WDR44: variants seen among roughly 807,000 people sequenced by gnomAD.
The protein encoded by WDR44 is WD repeat-containing protein 44.
Under a neutral mutation model 65.7 loss-of-function variants are expected in WDR44, and 9 were observed. That is an observed-to-expected ratio of 0.14 (90% CI 0.08 to 0.24). The LOEUF is 0.24. Ranked by LOEUF, WDR44 falls within the 10% of genes least tolerant of loss-of-function variation. The pLI is 1.00. For missense variants in WDR44, 425 were observed against 670.9 expected, an observed-to-expected ratio of 0.63 and a Z score of 4.05; for synonymous variants, 220 against 235.2, an observed-to-expected ratio of 0.94 and a Z score of 0.59.
At chrX:118,421,100 C>T (rs772424355) in intron 12 of WDR44, among the ~76,000 whole-genome samples, 1 of 111,439 alleles carries the variant, frequency 9.0e-6, no homozygotes, top group African/African-American at 3.3e-5. Flanking sequence ...CTTCATGGCC[C>T]GCTTCCTCCA....
At chrX:118,364,304 A>G (rs1301217490) in intron 1 of WDR44, among the ~76,000 whole-genome samples, 1 of 111,853 alleles carries the variant, frequency 8.9e-6, no homozygotes. Context: ...AAGCACTTCT[A>G]GCTCTCTGTA....
At chrX:118,420,339 G>T (rs770587098) in intron 12 of WDR44, among the ~76,000 whole-genome samples, 1 of 110,301 alleles carries the variant, frequency 9.1e-6, no homozygotes, top group African/African-American at 3.3e-5. Context: ...TGCAACCTGC[G>T]CCTCCCGGGT....
At chrX:118,394,306 C>A in intron 5 of WDR44, 121 bp downstream of exon 5, 1 of 993,553 alleles carries the variant, frequency 1.0e-6, no homozygotes, top group East Asian at 3.4e-5. Flanking sequence ...AACCTGACCC[C>A]CTTACTTCTC....
chrX:118,374,465 A>G (rs1331396019), intron 1 of WDR44, among the ~76,000 whole-genome samples: 1 of 111,905 alleles, frequency 8.9e-6, no homozygotes, highest in Non-Finnish European at 1.9e-5. Context: ...TTGAAATTGT[A>G]GTAGTTTGAA....
At chrX:118,374,069 C>T (rs368958538) in intron 1 of WDR44, among the ~76,000 whole-genome samples, 13 of 110,116 alleles carry the variant, frequency 1.2e-4, no homozygotes, top group African/African-American at 4.3e-4. Context: ...GGTATTTCTC[C>T]TAATGCTATC....
At chrX:118,354,017 C>CT (rs763388075) in intron 1 of WDR44, among the ~76,000 whole-genome samples, 7 of 109,978 alleles carry the variant, frequency 6.4e-5, no homozygotes, top group African/African-American at 1.3e-4. Flanking sequence ...TTGTATGGGT[C>CT]TTTTTTTTTA....
chrX:118,422,132 G>A (rs6655473), intron 12 of WDR44, among the ~76,000 whole-genome samples: 14,381 of 110,778 alleles, frequency 0.13, 790 homozygotes, highest in Admixed American at 0.25. Context: ...AGTGGCTCAT[G>A]CCTATAATCC....
At chrX:118,410,615 A>T (rs768429279) in intron 11 of WDR44, among the ~76,000 whole-genome samples, 6 of 111,676 alleles carry the variant, frequency 5.4e-5, no homozygotes, top group Non-Finnish European at 1.1e-4. Flanking sequence ...ACTTGTCATG[A>T]TTAATAAGAA....
chrX:118,354,640 A>G (rs1216871689), intron 1 of WDR44, among the ~76,000 whole-genome samples: 1 of 111,021 alleles, frequency 9.0e-6, no homozygotes, highest in Non-Finnish European at 1.9e-5. Flanking sequence ...TTATACTTTA[A>G]GTTCTGGGGT....
In WDR44 at chrX:118,367,417, C is replaced by T. The variant is rs182882257; in HGVS notation, c.78-11002C>T. Among the ~76,000 whole-genome samples, 198 of 111,417 alleles carry T rather than the reference C, an allele frequency of 1.8e-3. 1 individual carries two copies. Among genetic ancestry groups the T allele is most frequent in the Middle Eastern group, 9.2e-3 (2 of 217 alleles). On this transcript the variant is annotated intron_variant, in intron 1 of 19. Transcript: ENST00000254029. Reference sequence around the variant, plus strand: ...TCAGATTGATGTCATGTTGTCCTTTCAGTCTCTGGGACCCCCAAGCTTTCC... The same window carrying T: ...TCAGATTGATGTCATGTTGTCCTTTTAGTCTCTGGGACCCCCAAGCTTTCC...
intron 3 of WDR44, among the ~76,000 whole-genome samples, chrX:118,391,575 G>A (rs2056820548): frequency 8.9e-6 from 1 of 112,181 alleles, no homozygotes; most frequent in Admixed American, 9.5e-5. Context: ...GTTGGACATG[G>A]TGGCAGGATA....
At chrX:118,396,109 A>G (rs1473996237) in intron 6 of WDR44, among the ~76,000 whole-genome samples, 1 of 112,060 alleles carries the variant, frequency 8.9e-6, no homozygotes, top group Non-Finnish European at 1.9e-5. Flanking sequence ...TTATTATTTT[A>G]ATGGTTTCTT....
intron 12 of WDR44, among the ~76,000 whole-genome samples, chrX:118,416,834 G>T (rs1602948163): frequency 9.0e-6 from 1 of 111,157 alleles, no homozygotes; most frequent in East Asian, 2.8e-4. Context: ...CATTTCTTAG[G>T]TCTATTAGTA....
At chrX:118,361,239 G>A (rs1467777255) in intron 1 of WDR44, among the ~76,000 whole-genome samples, 4 of 111,707 alleles carry the variant, frequency 3.6e-5, no homozygotes, top group Non-Finnish European at 7.5e-5. Flanking sequence ...GAAGCAGGTG[G>A]CAAATGTAAG....
At chrX:118,355,544 C>A (rs1005991084) in intron 1 of WDR44, among the ~76,000 whole-genome samples, 1 of 112,032 alleles carries the variant, frequency 8.9e-6, no homozygotes, top group African/African-American at 3.2e-5. Context: ...TCTTTATTAG[C>A]TTGGCTTAAG....
chrX:118,371,998 T>TTC (rs11407930), intron 1 of WDR44, among the ~76,000 whole-genome samples: 4 of 57,863 alleles, frequency 6.9e-5, no homozygotes, highest in Admixed American at 4.1e-4. Flanking sequence ...TTTTTATTTC[T>TTC]TTTTTTTTTT....
intron 1 of WDR44, among the ~76,000 whole-genome samples, chrX:118,375,401 G>A (rs1451505253): frequency 9.2e-6 from 1 of 108,166 alleles, no homozygotes; most frequent in African/African-American, 3.4e-5. Context: ...GGTTTTTCAG[G>A]CTAGGTGCAG....
intron 12 of WDR44, among the ~76,000 whole-genome samples, chrX:118,414,314 G>A (rs1602944697): frequency 1.4e-5 from 1 of 71,239 alleles, no homozygotes; most frequent in Non-Finnish European, 2.5e-5. Flanking sequence ...TTCCATTACT[G>A]GATATATACC....
At chrX:118,394,931 C>T (rs932831111) in intron 5 of WDR44, among the ~76,000 whole-genome samples, 10 of 111,849 alleles carry the variant, frequency 8.9e-5, no homozygotes, top group Admixed American at 1.9e-4. Flanking sequence ...TTTTCTGACC[C>T]CTACCTTTGA....
Sources: allele counts gnomAD v4.1 joint callset (sites outside exome capture counted in the v4.1 genomes callset), GRCh38; gene constraint gnomAD v4.1.1; transcripts MANE v1.5; gene names NCBI Gene and HGNC (gene_info 2026-07-23, HGNC 2026-07-21).